The following TBCK variants were observed in gnomAD, a reference collection of about 807,000 sequenced individuals.
TBCK encodes TBC1 domain containing kinase, also known as TBC domain-containing protein kinase-like protein.
A neutral mutation model predicts 113.4 loss-of-function variants in TBCK; 99 were observed. That is an observed-to-expected ratio of 0.87 (90% confidence interval 0.74 to 1.03). The LOEUF is 1.03. TBCK is among the 50% of genes least tolerant of loss of function. The probability of loss-of-function intolerance (pLI) is 0.00; values close to 1 mark genes in which losing one functional copy is unlikely to be tolerated. For missense variants in TBCK, 1,045 were observed against 1,061.3 expected, an observed-to-expected ratio of 0.98 and a Z score of 0.21; for synonymous variants, 369 against 370.8, an observed-to-expected ratio of 1.00 and a Z score of 0.05.
chr4:106,310,040 C>T (rs1768026566), intron 1 of TBCK: 3 of 152,106 alleles, frequency 2.0e-5, no homozygotes, highest in Non-Finnish European at 4.4e-5. Flanking sequence ...AAAAAAGGGT[C>T]TTCTGACACA....
intron 24 of TBCK, among the ~76,000 whole-genome samples, chr4:106,114,673 A>C (rs1303637233): frequency 6.6e-6 from 1 of 152,208 alleles, no homozygotes; most frequent in East Asian, 1.9e-4. Flanking sequence ...CTGGCAACAG[A>C]CAACCTACAG....
chr4:106,290,726 C>T (rs1056307411), intron 3 of TBCK, among the ~76,000 whole-genome samples: 1 of 152,186 alleles, frequency 6.6e-6, no homozygotes, highest in South Asian at 2.1e-4. Context: ...AAGAGGTGTG[C>T]AGCAGGCAAG....
intron 23 of TBCK, among the ~76,000 whole-genome samples, chr4:106,131,700 T>C (rs901872143): frequency 6.6e-6 from 1 of 152,100 alleles, no homozygotes; most frequent in Non-Finnish European, 1.5e-5. Flanking sequence ...GGAAGCAAGT[T>C]TGGAACTGAG....
intron 12 of TBCK, among the ~76,000 whole-genome samples, chr4:106,240,222 T>C (rs561252570): frequency 6.6e-6 from 1 of 152,158 alleles, no homozygotes; most frequent in Non-Finnish European, 1.5e-5. Flanking sequence ...AGAAGACCTC[T>C]ATAACTCAAT....
At chr4:106,278,762 T>C (rs1764274091) in intron 3 of TBCK, among the ~76,000 whole-genome samples, 1 of 151,806 alleles carries the variant, frequency 6.6e-6, no homozygotes, top group Admixed American at 6.6e-5. Context: ...GAGGAGTAAA[T>C]AGAAGTATGT....
chr4:106,306,324 A>G (rs1579582552), intron 2 of TBCK, among the ~76,000 whole-genome samples: 2 of 149,316 alleles, frequency 1.3e-5, no homozygotes, highest in Non-Finnish European at 1.5e-5. Context: ...GCCTCAAGCA[A>G]TCTTCCTGCC....
At chr4:106,194,847 G>T in intron 20 of TBCK, 93 bp from the exon 21 acceptor site, 1 of 1,162,750 alleles carries the variant, frequency 8.6e-7, no homozygotes, top group Non-Finnish European at 1.2e-6. Context: ...GTAAATGTAA[G>T]TTCTATGTTT....
intron 25 of TBCK, among the ~76,000 whole-genome samples, chr4:106,055,745 T>C (rs977052234): frequency 1.3e-5 from 2 of 151,644 alleles, no homozygotes; most frequent in Non-Finnish European, 3.0e-5. Flanking sequence ...AGTCAATTTT[T>C]ATGGTTTCTT....
intron 24 of TBCK, among the ~76,000 whole-genome samples, chr4:106,115,636 T>G (rs1007756302): frequency 1.3e-5 from 2 of 152,030 alleles, no homozygotes; most frequent in Non-Finnish European, 1.5e-5. Flanking sequence ...ATAATGAAAA[T>G]AGAAGGAGAA....
chr4:106,274,122 T>G (rs1338542986), intron 3 of TBCK, among the ~76,000 whole-genome samples: 1 of 152,126 alleles, frequency 6.6e-6, no homozygotes, highest in Non-Finnish European at 1.5e-5. Flanking sequence ...TTGTTTATAT[T>G]AGGGAAATGC....
intron 20 of TBCK, among the ~76,000 whole-genome samples, chr4:106,204,784 A>T (rs1579230484): frequency 1.2e-5 from 1 of 86,416 alleles, no homozygotes; most frequent in Non-Finnish European, 2.4e-5. Flanking sequence ...TTTGAGACGG[A>T]GTCTCGCTCT....
At chr4:106,244,408 C>G (rs181792636) in intron 11 of TBCK, among the ~76,000 whole-genome samples, 2 of 151,980 alleles carry the variant, frequency 1.3e-5, no homozygotes, top group African/African-American at 2.4e-5. Flanking sequence ...TGATCAAAGA[C>G]AACTGATGGG....
At chr4:106,170,164 A>G (rs549630876) in intron 23 of TBCK, among the ~76,000 whole-genome samples, 1 of 152,210 alleles carries the variant, frequency 6.6e-6, no homozygotes, top group South Asian at 2.1e-4. Context: ...TTACATGGAA[A>G]TATCTTCAGC....
At chr4:106,233,671 T>A in intron 15 of TBCK, 21 bp from the exon 16 acceptor site, 1 of 1,553,576 alleles carries the variant, frequency 6.4e-7, no homozygotes, top group Non-Finnish European at 8.8e-7. Flanking sequence ...TAAAAGAAGA[T>A]ATATTAATTT....
intron 20 of TBCK, among the ~76,000 whole-genome samples, chr4:106,207,334 A>G (rs1476394056): frequency 1.3e-5 from 2 of 152,182 alleles, no homozygotes; most frequent in African/African-American, 2.4e-5. Context: ...CTGAATTTCA[A>G]TGATGAAAGA....
At chr4:106,207,267 G>A (rs772681152) in intron 20 of TBCK, among the ~76,000 whole-genome samples, 36 of 152,068 alleles carry the variant, frequency 2.4e-4, no homozygotes, top group Middle Eastern at 3.2e-3. Context: ...TCAGAGTTCC[G>A]TGACCCAGAG....
At chr4:106,101,134 T>C (rs1244725210) in intron 24 of TBCK, among the ~76,000 whole-genome samples, 2 of 152,180 alleles carry the variant, frequency 1.3e-5, no homozygotes, top group East Asian at 3.8e-4. Flanking sequence ...CTAAACTCTA[T>C]ATCCCCATTG....
intron 24 of TBCK, among the ~76,000 whole-genome samples, chr4:106,110,492 T>C (rs1055897483): frequency 3.3e-5 from 5 of 152,162 alleles, no homozygotes; most frequent in Non-Finnish European, 7.3e-5. Flanking sequence ...AGCAACAGTA[T>C]ATAAAAGCAT....
At chr4:106,266,389 C>G (rs889434153) in intron 3 of TBCK, among the ~76,000 whole-genome samples, 9 of 151,792 alleles carry the variant, frequency 5.9e-5, no homozygotes, top group African/African-American at 1.9e-4. Context: ...AGGACCTCAG[C>G]TGCATACTAC....
Sources: gnomAD v4.1 joint callset for allele counts (sites outside exome capture counted in the v4.1 genomes callset) on GRCh38, gnomAD v4.1.1 for gene constraint, MANE v1.5 for transcripts, NCBI Gene and HGNC (gene_info 2026-07-23, HGNC 2026-07-21) for gene names.